RELN: variants seen among roughly 807,000 people sequenced by gnomAD.
RELN encodes the protein reelin.
In RELN, 108 loss-of-function variants were observed where a neutral mutation model predicts 427.6. That is an observed-to-expected ratio of 0.25 (90% CI 0.22 to 0.30). RELN has a LOEUF of 0.30. RELN is among the 10% of genes least tolerant of loss of function. The pLI is 1.00. For missense variants in RELN, 3,715 were observed against 4,302.8 expected, an observed-to-expected ratio of 0.86 and a Z score of 3.82; for synonymous variants, 1,524 against 1,513.4, an observed-to-expected ratio of 1.01 and a Z score of -0.16.
chr7:103,849,762 T>TA (rs1252811087), intron 2 of RELN, among the ~76,000 whole-genome samples: 1 of 152,192 alleles, frequency 6.6e-6, no homozygotes, highest in Non-Finnish European at 1.5e-5. Context: ...TTTTACATCT[T>TA]AAAAATTTGT....
At chr7:103,863,207 T>G (rs1276742475) in intron 2 of RELN, among the ~76,000 whole-genome samples, 1 of 152,134 alleles carries the variant, frequency 6.6e-6, no homozygotes, top group Non-Finnish European at 1.5e-5. Flanking sequence ...AAGATGCTTA[T>G]GAATCTAAAA....
intron 2 of RELN, among the ~76,000 whole-genome samples, chr7:103,909,848 T>A (rs1472466193): frequency 1.9e-5 from 2 of 103,620 alleles, no homozygotes; most frequent in African/African-American, 5.2e-5. Flanking sequence ...ATATATATAT[T>A]TAAATAATTC....
intron 46 of RELN, among the ~76,000 whole-genome samples, chr7:103,530,768 A>C (rs925566900): frequency 1.3e-5 from 2 of 152,186 alleles, no homozygotes; most frequent in African/African-American, 4.8e-5. Flanking sequence ...CTTCAAGGCC[A>C]GGGCCCATCT....
chr7:103,950,456 C>T (rs997528526), intron 1 of RELN, among the ~76,000 whole-genome samples: 1 of 151,958 alleles, frequency 6.6e-6, no homozygotes, highest in African/African-American at 2.4e-5. Context: ...GAAAAAAAAT[C>T]AGCAATATGC....
intron 14 of RELN, among the ~76,000 whole-genome samples, chr7:103,652,250 G>GC (rs1832933374): frequency 6.8e-6 from 1 of 147,544 alleles, no homozygotes; most frequent in African/African-American, 2.5e-5. Context: ...TTTTTCAGTT[G>GC]CTTTTTTTTT....
At chr7:103,753,850 A>C (rs1238454111) in intron 4 of RELN, among the ~76,000 whole-genome samples, 1 of 152,202 alleles carries the variant, frequency 6.6e-6, no homozygotes, top group Non-Finnish European at 1.5e-5. Flanking sequence ...TGTATGCAAT[A>C]TTTCTGTGAA....
At chr7:103,511,961 C>T (rs1008376332) in intron 50 of RELN, among the ~76,000 whole-genome samples, 1 of 152,156 alleles carries the variant, frequency 6.6e-6, no homozygotes, top group Non-Finnish European at 1.5e-5. Flanking sequence ...CAAAAATTTC[C>T]TTGTATTCTT....
chr7:103,622,152 C>T (rs1832235641), intron 20 of RELN, among the ~76,000 whole-genome samples: 1 of 152,232 alleles, frequency 6.6e-6, no homozygotes, highest in Non-Finnish European at 1.5e-5. Context: ...CTCCTTACTT[C>T]TGAAACCTCA....
At chr7:103,818,378 G>A (rs976782215) in intron 3 of RELN, among the ~76,000 whole-genome samples, 4 of 152,160 alleles carry the variant, frequency 2.6e-5, no homozygotes, top group Non-Finnish European at 5.9e-5. Context: ...CTTAATTAAT[G>A]TGATGACTGA....
At chr7:103,633,235 C>T (rs1832508761) in intron 19 of RELN, among the ~76,000 whole-genome samples, 1 of 151,800 alleles carries the variant, frequency 6.6e-6, no homozygotes, top group Admixed American at 6.6e-5. Flanking sequence ...CATAAAGAAG[C>T]AATATGGAAT....
At chr7:103,596,767 G>A (rs1831547476) in intron 24 of RELN, 106 bp from the exon 25 acceptor site, 6 of 946,332 alleles carry the variant, frequency 6.3e-6, no homozygotes, top group South Asian at 1.4e-5. Context: ...TGTGGAAATG[G>A]TCTCGTCCCC....
chr7:103,743,918 A>G (rs1003139590), intron 6 of RELN, among the ~76,000 whole-genome samples: 1 of 152,222 alleles, frequency 6.6e-6, no homozygotes, highest in African/African-American at 2.4e-5. Context: ...CAGACCTAAT[A>G]GACATCTACA....
chr7:103,635,095 G>A (rs1450775131), intron 19 of RELN, among the ~76,000 whole-genome samples: 3 of 152,088 alleles, frequency 2.0e-5, no homozygotes, highest in East Asian at 3.9e-4. Flanking sequence ...TCCTGACCTC[G>A]TGATCTGCCT....
chr7:103,858,980 G>A (rs950773547), intron 2 of RELN, among the ~76,000 whole-genome samples: 3 of 152,146 alleles, frequency 2.0e-5, no homozygotes, highest in Non-Finnish European at 4.4e-5. Context: ...AAGACTGGAG[G>A]TGAAAGACCT....
intron 8 of RELN, among the ~76,000 whole-genome samples, chr7:103,701,329 G>A (rs1446864765): frequency 6.6e-6 from 1 of 151,998 alleles, no homozygotes; most frequent in Non-Finnish European, 1.5e-5. Context: ...GACTTATAAG[G>A]TCATTATGGT....
intron 3 of RELN, among the ~76,000 whole-genome samples, chr7:103,796,363 T>G (rs1792298050): frequency 6.6e-6 from 1 of 152,218 alleles, no homozygotes; most frequent in South Asian, 2.1e-4. Flanking sequence ...GTTTGCCTAA[T>G]TCAAATTTCT....
chr7:103,810,129 C>T (rs553850419), intron 3 of RELN, among the ~76,000 whole-genome samples: 4 of 152,236 alleles, frequency 2.6e-5, no homozygotes, highest in Admixed American at 6.5e-5. Context: ...TTGCTGTTAT[C>T]ATTGCCCTTC....
Position 103,829,861 on chromosome 7 carries a change from G to C in RELN, c.473+3676C>G, listed in dbSNP as rs149890534. Reference sequence around the variant, plus strand: ...TCTTACTACGGGATTTTTAAAAAAGGATTTTAAATAGGTAACTAGGGTTTC... The same window carrying C: ...TCTTACTACGGGATTTTTAAAAAAGCATTTTAAATAGGTAACTAGGGTTTC... On this transcript the variant is annotated intron_variant, in intron 3 of 64. Transcript: ENST00000428762. Among the ~76,000 whole-genome samples the C allele has an allele frequency of 5.7e-3, 874 of 152,012 alleles. 7 individuals are homozygous for C. The highest frequency in any genetic ancestry group is 0.02 in the African/African-American group (839 of 41,522).
intron 6 of RELN, among the ~76,000 whole-genome samples, chr7:103,747,968 C>T (rs1022195994): frequency 6.6e-6 from 1 of 151,970 alleles, no homozygotes; most frequent in Non-Finnish European, 1.5e-5. Flanking sequence ...ACCGAACAGT[C>T]ACATTTTGTA....
Sources: allele counts gnomAD v4.1 joint callset (sites outside exome capture counted in the v4.1 genomes callset), GRCh38; gene constraint gnomAD v4.1.1; transcripts MANE v1.5; gene names NCBI Gene and HGNC (gene_info 2026-07-23, HGNC 2026-07-21).